The following PARD3B variants were observed in gnomAD, a reference collection of about 807,000 sequenced individuals.
PARD3B encodes the protein par-3 family cell polarity regulator beta.
PARD3B carries 103 observed loss-of-function variants against 130.2 expected under a neutral mutation model. The observed-to-expected ratio is 0.79, with a 90% CI of 0.67 to 0.93. The LOEUF is 0.93. PARD3B is among the 40% of genes least tolerant of loss of function. The pLI is 0.00. For synonymous variants in PARD3B, 583 were observed against 553.2 expected, an observed-to-expected ratio of 1.05 and a Z score of -0.76; for missense variants, 1,609 against 1,499.2, an observed-to-expected ratio of 1.07 and a Z score of -1.21.
At chr2:205,338,124 GC>G (rs1224731385) in intron 18 of PARD3B, among the ~76,000 whole-genome samples, 6 of 132,868 alleles carry the variant, frequency 4.5e-5, no homozygotes, top group Non-Finnish European at 9.1e-5. Context: ...GTGCTCTCCA[GC>G]CTGGGCAACA....
At chr2:205,357,375 T>G (rs1001933506) in intron 18 of PARD3B, among the ~76,000 whole-genome samples, 7 of 152,180 alleles carry the variant, frequency 4.6e-5, no homozygotes, top group African/African-American at 1.7e-4. Flanking sequence ...AGTTGAATTA[T>G]ATTTGGAAGA....
chr2:204,886,039 C>T (rs114671401), intron 2 of PARD3B, among the ~76,000 whole-genome samples: 2,348 of 152,268 alleles, frequency 0.015, 29 homozygotes, highest in Middle Eastern at 0.061. Context: ...AACTCAGTTT[C>T]CCATCGTTAT....
At chr2:204,644,622 G>A (rs2035210450) in intron 1 of PARD3B, among the ~76,000 whole-genome samples, 1 of 151,954 alleles carries the variant, frequency 6.6e-6, no homozygotes, top group African/African-American at 2.4e-5. Flanking sequence ...ATTTTAATTG[G>A]ATATTAATGT....
At chr2:204,735,058 A>G (rs2039686696) in intron 2 of PARD3B, among the ~76,000 whole-genome samples, 1 of 151,894 alleles carries the variant, frequency 6.6e-6, no homozygotes, top group African/African-American at 2.4e-5. Flanking sequence ...GCAAGATTTC[A>G]TTTTTAAAAT....
Position 204,734,734 on chromosome 2 carries a change from C to T in PARD3B, c.222+48452C>T, listed in dbSNP as rs1374919670. On this transcript the variant is annotated intron_variant, in intron 2 of 22. Transcript: ENST00000406610. ...ATGATACAAATTAGATCAGTGGTTC[C>T]TAGGGGTGAAGTGAGGAAATTAACT... 2.6e-5 allele frequency among the ~76,000 whole-genome samples: 4 copies of T among 152,060 alleles called. No homozygotes were observed. The East Asian group carries it at 5.8e-4, about 22-fold the overall frequency.
At chr2:205,088,644 TGAA>T (rs1437572570) in intron 4 of PARD3B, among the ~76,000 whole-genome samples, 1 of 152,200 alleles carries the variant, frequency 6.6e-6, no homozygotes, top group Non-Finnish European at 1.5e-5. Flanking sequence ...GTCACATTAA[TGAA>T]GAGAGTTACT....
chr2:204,765,824 G>T (rs887147652), intron 2 of PARD3B, among the ~76,000 whole-genome samples: 2 of 152,128 alleles, frequency 1.3e-5, no homozygotes, highest in African/African-American at 4.8e-5. Flanking sequence ...GACAAGGACA[G>T]TTGAAATATT....
At position 204,890,304 on chromosome 2, in the gene PARD3B, A is replaced by C. The variant is rs60098102; in HGVS notation, c.223-74848A>C. On this transcript the variant is annotated intron_variant, in intron 2 of 22. Coordinates refer to ENST00000406610, the MANE Select transcript of PARD3B (RefSeq NM_001302769.2). This position sits in a 1 kb window ranked among gnomAD's most constrained non-coding sequence, Gnocchi z 4.9. ...TACTTACTGAATGAATAAATAGAAGATGACAAGGCATGGAACAGCATAATG... is the reference window on the plus strand; with the variant it reads ...TACTTACTGAATGAATAAATAGAAGCTGACAAGGCATGGAACAGCATAATG... Among the ~76,000 whole-genome samples, 249 of 152,312 alleles carry C rather than the reference A, an allele frequency of 1.6e-3. No individual in the cohort carries two copies. The highest frequency in any genetic ancestry group is 5.4e-3 in the African/African-American group (224 of 41,576).
rs1402593676 is a variant in PARD3B at position 205,258,669 on chromosome 2, T to G, written c.2185+12847T>G. 6.6e-6 allele frequency among the ~76,000 whole-genome samples: 1 copy of G among 152,228 alleles called. No homozygotes were observed. The highest frequency in any genetic ancestry group is 1.9e-4 in the East Asian group (1 of 5,196). On this transcript the variant is annotated intron_variant, in intron 16 of 22. Coordinates refer to ENST00000406610, the MANE Select transcript of PARD3B (RefSeq NM_001302769.2). This position sits in a 1 kb window ranked among gnomAD's most constrained non-coding sequence, Gnocchi z 4.9. Reference sequence around the variant, plus strand: ...CGTAGTACTTGCTAAATCTTTTTTCTTGATACGTCTTTTTGCATATTTTTG... The same window carrying G: ...CGTAGTACTTGCTAAATCTTTTTTCGTGATACGTCTTTTTGCATATTTTTG...
intron 2 of PARD3B, among the ~76,000 whole-genome samples, chr2:204,688,663 T>C (rs1025059486): frequency 6.6e-6 from 1 of 151,864 alleles, no homozygotes; most frequent in Non-Finnish European, 1.5e-5. Flanking sequence ...TTATAGTCCA[T>C]ATGTCTATTG....
intron 18 of PARD3B, among the ~76,000 whole-genome samples, chr2:205,398,929 G>A (rs2046135997): frequency 6.6e-6 from 1 of 152,134 alleles, no homozygotes; most frequent in Non-Finnish European, 1.5e-5. Context: ...GTGTGCTGGG[G>A]CAGGGTTGGG....
chr2:204,725,353 G>A (rs1252144757), intron 2 of PARD3B, among the ~76,000 whole-genome samples: 2 of 152,060 alleles, frequency 1.3e-5, no homozygotes, highest in African/African-American at 2.4e-5. Context: ...AGGTGAAAAC[G>A]TACCTTAATG....
chr2:204,854,145 A>C (rs1205926636), intron 2 of PARD3B, among the ~76,000 whole-genome samples: 1 of 152,168 alleles, frequency 6.6e-6, no homozygotes, highest in Non-Finnish European at 1.5e-5. Flanking sequence ...TGAGGGAACA[A>C]GTGATGTAAG....
At chr2:205,472,227 A>G (rs1032343223) in intron 20 of PARD3B, among the ~76,000 whole-genome samples, 2 of 152,192 alleles carry the variant, frequency 1.3e-5, no homozygotes, top group East Asian at 3.9e-4. Context: ...TGGAAAGTCA[A>G]GAAAAATTAA....
At chr2:205,104,045 G>C (rs532788486) in intron 4 of PARD3B, among the ~76,000 whole-genome samples, 1 of 152,080 alleles carries the variant, frequency 6.6e-6, no homozygotes. Flanking sequence ...TGTTGTGAGG[G>C]GCAAGCAAGT....
chr2:205,491,174 C>T (rs2049691617), intron 20 of PARD3B, among the ~76,000 whole-genome samples: 1 of 152,134 alleles, frequency 6.6e-6, no homozygotes, highest in East Asian at 1.9e-4. Context: ...GACATGAAGT[C>T]CTTGCCCCTG....
intron 2 of PARD3B, among the ~76,000 whole-genome samples, chr2:204,771,428 T>C (rs1157241430): frequency 6.6e-6 from 1 of 152,112 alleles, no homozygotes; most frequent in Non-Finnish European, 1.5e-5. Flanking sequence ...AACACTATGT[T>C]TTAATGGTTA....
intron 18 of PARD3B, among the ~76,000 whole-genome samples, chr2:205,390,430 A>C (rs2045816922): frequency 6.6e-6 from 1 of 152,344 alleles, no homozygotes; most frequent in Non-Finnish European, 1.5e-5. Context: ...TTTCAGATAA[A>C]TATGATTTCA....
chr2:204,997,407 ACTT>A (rs1694323550), intron 3 of PARD3B, among the ~76,000 whole-genome samples: 1 of 152,154 alleles, frequency 6.6e-6, no homozygotes, highest in African/African-American at 2.4e-5. Flanking sequence ...TTTATTTACA[ACTT>A]CTTTATTGCC....
Sources: allele counts gnomAD v4.1 joint callset (sites outside exome capture counted in the v4.1 genomes callset), GRCh38; gene constraint gnomAD v4.1.1; non-coding constraint Gnocchi (gnomAD v3.1); transcripts MANE v1.5; gene names NCBI Gene and HGNC (gene_info 2026-07-23, HGNC 2026-07-21).